DTHD1: variants seen among roughly 807,000 people sequenced by gnomAD.
DTHD1 encodes the protein death domain-containing protein 1.
Under a neutral mutation model 74.8 loss-of-function variants are expected in DTHD1, and 59 were observed. That is an observed-to-expected ratio of 0.79 (90% confidence interval 0.64 to 0.98). DTHD1 has a LOEUF of 0.98. DTHD1 is among the 50% of genes least tolerant of loss of function. The pLI is 0.00. For synonymous variants in DTHD1, 365 were observed against 371.1 expected (o/e 0.98, Z 0.19); for missense variants, 1,051 against 1,065.4 (o/e 0.99, Z 0.19).
chr4:36,296,579 CAATA>C (rs1756414007), intron 5 of DTHD1, among the ~76,000 whole-genome samples: 1 of 151,862 alleles, frequency 6.6e-6, no homozygotes, highest in South Asian at 2.1e-4. Context: ...TCTGTTATGA[CAATA>C]AATATAAATG....
chr4:36,322,161 C>A (rs1265430003), intron 8 of DTHD1, among the ~76,000 whole-genome samples: 1 of 151,278 alleles, frequency 6.6e-6, no homozygotes, highest in Non-Finnish European at 1.5e-5. Context: ...ACATGTGTTT[C>A]TTCATTTGTA....
At chr4:36,338,978 C>T (rs1287601089) in intron 8 of DTHD1, 134 bp from the exon 9 acceptor site, 3 of 657,864 alleles carry the variant, frequency 4.6e-6, no homozygotes, top group Non-Finnish European at 7.7e-6. Flanking sequence ...TGCACAAATA[C>T]AGTATTTAAT....
intron 8 of DTHD1, among the ~76,000 whole-genome samples, chr4:36,325,151 A>C (rs1758268675): frequency 6.6e-6 from 1 of 152,214 alleles, no homozygotes; most frequent in South Asian, 2.1e-4. Context: ...AGATTAACTA[A>C]ATGACTCTGT....
chr4:36,301,056 A>C (rs1427857533), intron 5 of DTHD1, among the ~76,000 whole-genome samples: 1 of 152,210 alleles, frequency 6.6e-6, no homozygotes, highest in Non-Finnish European at 1.5e-5. Flanking sequence ...TTAGAGAAAC[A>C]AAATATTAAG....
chr4:36,340,670 G>A (rs2109580853), intron 9 of DTHD1, among the ~76,000 whole-genome samples: 1 of 152,232 alleles, frequency 6.6e-6, no homozygotes, highest in Middle Eastern at 3.4e-3. Flanking sequence ...CACTGATAGA[G>A]ATAATTAGGA....
intron 5 of DTHD1, among the ~76,000 whole-genome samples, chr4:36,296,573 T>C (rs1756413530): frequency 6.6e-6 from 1 of 152,136 alleles, no homozygotes; most frequent in Non-Finnish European, 1.5e-5. Context: ...AAATAATCTG[T>C]TATGACAATA....
Position 36,339,180 on chromosome 4 carries a change from T to C in DTHD1, c.2398+11T>C. The C allele has an allele frequency of 6.5e-7, 1 of 1,539,162 alleles. No homozygotes were observed. Among genetic ancestry groups the C allele is most frequent in the South Asian group, 1.2e-5 (1 of 83,438 alleles). On this transcript the variant is annotated intron_variant, in intron 9 of 9. Coordinates refer to ENST00000639862, the MANE Select transcript of DTHD1 (RefSeq NM_001170700.3). ...CTAAGGATCCTGTAGGTGAGGAATA[T>C]TTGCTTTGTCATCATTATAGTGCTT...
intron 3 of DTHD1, among the ~76,000 whole-genome samples, chr4:36,291,759 C>T (rs774078011): frequency 2.0e-5 from 3 of 152,034 alleles, no homozygotes; most frequent in South Asian, 2.1e-4. Flanking sequence ...ACCCGGGAAG[C>T]GGAGGGTGCG....
intron 2 of DTHD1, among the ~76,000 whole-genome samples, chr4:36,287,535 A>G (rs561085014): frequency 1.3e-5 from 2 of 152,252 alleles, no homozygotes; most frequent in Admixed American, 1.3e-4. Context: ...TGGTACTTCT[A>G]CTTTTAGTTC....
chr4:36,332,167 A>T (rs1758718994), intron 8 of DTHD1, among the ~76,000 whole-genome samples: 1 of 150,420 alleles, frequency 6.6e-6, no homozygotes, highest in Non-Finnish European at 1.5e-5. Flanking sequence ...CCTTGGCTAC[A>T]AACGCAAGAC....
rs1298607998 is a variant in DTHD1 at position 36,308,271 on chromosome 4, G to C, written c.1873G>C (p.Glu625Gln). The change falls in exon 7 of 10, where the codon GAG becomes CAG. Residue 625 changes from glutamate to glutamine, a missense_variant. Coordinates refer to ENST00000639862, the MANE Select transcript of DTHD1 (RefSeq NM_001170700.3). ...SHLVTFVKSL[E>Q]EAMLSTTACI... ...TTTGGTTACTTTTGTGAAATCTTTA[G>C]AGGAAGCCATGCTCAGCACCACTGC... 3 of 1,552,158 alleles carry C rather than the reference G, an allele frequency of 1.9e-6. No homozygotes were observed. In the South Asian group the frequency reaches 3.6e-5, roughly 18 times the overall value.
intron 8 of DTHD1, among the ~76,000 whole-genome samples, chr4:36,322,285 A>T (rs1347313758): frequency 6.6e-6 from 1 of 152,180 alleles, no homozygotes; most frequent in African/African-American, 2.4e-5. Context: ...GTCAGGCATA[A>T]GTTAGATGCT....
intron 7 of DTHD1, among the ~76,000 whole-genome samples, chr4:36,314,747 G>GTTT (rs747523259): frequency 3.4e-4 from 33 of 97,992 alleles, no homozygotes; most frequent in Non-Finnish European, 4.6e-4. Flanking sequence ...AACAATCTGA[G>GTTT]TTTTTTTTTT....
At chr4:36,340,877 G>T (rs1759278224) in intron 9 of DTHD1, among the ~76,000 whole-genome samples, 1 of 152,120 alleles carries the variant, frequency 6.6e-6, no homozygotes, top group Non-Finnish European at 1.5e-5. Context: ...AGGAGGAAGA[G>T]AGTTAGCAGG....
At position 36,282,010 on chromosome 4, in the gene DTHD1, T is replaced by G. The variant is rs1470216212; in HGVS notation, c.252T>G (p.Asn84Lys). ...TGCATGTGCTGCTTGACAAAGAGAA[T>G]CAATGTGTCTCGAGAAAAGGCAAGT... Reference protein sequence around the residue: ...QQLHVLLDKENQCVSRKEIIT... With the variant: ...QQLHVLLDKEKQCVSRKEIIT... The change falls in exon 1 of 10, where the codon AAT becomes AAG. Residue 84 changes from asparagine (N) to lysine (K), a missense_variant. Physicochemically the swap from Asn to Lys is moderately conservative, Grantham distance 94. Transcript: ENST00000639862. 6.6e-7 allele frequency: 1 copy of G among 1,524,138 alleles called. No homozygotes were observed. The highest frequency in any genetic ancestry group is 1.4e-5 in the African/African-American group (1 of 71,988). The allele number at this position is 1,524,138 out of a possible 1,614,324, so 94.4% of individuals were successfully genotyped here.
At chr4:36,311,943 A>T (rs1037499684) in intron 7 of DTHD1, among the ~76,000 whole-genome samples, 1 of 152,226 alleles carries the variant, frequency 6.6e-6, no homozygotes, top group Non-Finnish European at 1.5e-5. Context: ...AAATCTCTCT[A>T]TTCACTTATA....
chr4:36,318,829 T>G (rs1433669459), intron 8 of DTHD1, among the ~76,000 whole-genome samples: 1 of 152,180 alleles, frequency 6.6e-6, no homozygotes, highest in African/African-American at 2.4e-5. Context: ...TTAGCCAGGA[T>G]GGTCTCAATC....
rs1294500023 is a variant in DTHD1, at chr4:36,344,784, CA to C, written c.*961del. 6.6e-6 allele frequency: 1 copy of C among 152,090 alleles called. No individual in the cohort carries two copies. Among genetic ancestry groups the C allele is most frequent in the Non-Finnish European group, 1.5e-5 (1 of 68,022 alleles). 9.4% of individuals were successfully genotyped at this position (152,090 alleles called of 1,614,324 possible). A position where few individuals can be genotyped will look rare whatever the true frequency, so the allele number is the denominator to read the frequency against. On this transcript the variant is annotated 3_prime_UTR_variant, in exon 10 of 10. Coordinates refer to ENST00000639862, the MANE Select transcript of DTHD1 (RefSeq NM_001170700.3). ...CCTTGGCTGAGAGAAGGGGCTTGTT[CA>C]GATAGTTGGGAGACTTAGAATTTTA...
intron 7 of DTHD1, among the ~76,000 whole-genome samples, chr4:36,314,442 G>A (rs1042966155): frequency 3.3e-5 from 5 of 151,050 alleles, no homozygotes; most frequent in Non-Finnish European, 7.4e-5. Flanking sequence ...GGAGGCCAAG[G>A]AGGGTGGATT....
Sources: gnomAD v4.1 joint callset for allele counts (sites outside exome capture counted in the v4.1 genomes callset) on GRCh38, gnomAD v4.1.1 for gene constraint, MANE v1.5 for transcripts, NCBI Gene and HGNC (gene_info 2026-07-23, HGNC 2026-07-21) for gene names.